TESK2: variants seen among roughly 807,000 people sequenced by gnomAD.
TESK2 encodes the protein dual specificity testis-specific protein kinase 2.
TESK2 carries 39 observed loss-of-function variants against 57.1 expected under a neutral mutation model. The ratio of observed to expected loss-of-function variants is 0.68; its 90% CI spans 0.53 to 0.89. The LOEUF (loss-of-function observed/expected upper bound fraction) is 0.89, where lower values mean the gene tolerates loss of function less well. TESK2 is among the 40% of genes least tolerant of loss of function. The probability of loss-of-function intolerance (pLI) is 0.00; values close to 1 mark genes in which losing one functional copy is unlikely to be tolerated. For missense variants in TESK2, 646 were observed against 732.1 expected (o/e 0.88, Z 1.36); for synonymous variants, 249 against 267.9 (o/e 0.93, Z 0.69).
chr1:45,462,666 A>T (rs1012510758), intron 1 of TESK2, among the ~76,000 whole-genome samples: 1 of 152,114 alleles, frequency 6.6e-6, no homozygotes, highest in East Asian at 1.9e-4. Context: ...TTGCTTCCAA[A>T]TCTTGGCTAT....
chr1:45,345,177 G>A lies in TESK2; in HGVS notation c.1379C>T (p.Ser460Leu), dbSNP rs749656797. Residue 460 changes from serine (S) to leucine (L), a missense_variant, in exon 11 of 11, where the codon TCG becomes TTG. Coordinates refer to ENST00000372086, the MANE Select transcript of TESK2 (RefSeq NM_007170.3). ...AGCCTCTTGATGCAAGAACTCAGGC[G>A]AACCAGGCAAGGAACGCCACCGGCG... is the stretch of plus-strand genomic sequence containing the variant. Reference protein sequence around the residue: ...PIRRWRSLPGSPEFLHQEACP... With the variant: ...PIRRWRSLPGLPEFLHQEACP... The A allele has an allele frequency of 1.1e-5, 17 of 1,614,006 alleles. No individual in the cohort carries two copies. In the East Asian group the frequency reaches 1.3e-4, roughly 13 times the overall value.
chr1:45,463,680 G>A (rs967353524), intron 1 of TESK2, among the ~76,000 whole-genome samples: 8 of 152,064 alleles, frequency 5.3e-5, no homozygotes, highest in Non-Finnish European at 1.2e-4. Flanking sequence ...ATCTCCTAGG[G>A]CTCAGGTGAT....
At chr1:45,345,706 G>A in intron 10 of TESK2, 148 bp from the exon 11 acceptor site, 1 of 933,692 alleles carries the variant, frequency 1.1e-6, no homozygotes, top group South Asian at 1.6e-5. Flanking sequence ...AGGGGAAGCA[G>A]TATGCCAAGC....
At chr1:45,485,518 A>ATT (rs796389880) in intron 1 of TESK2, among the ~76,000 whole-genome samples, 21 of 80,124 alleles carry the variant, frequency 2.6e-4, no homozygotes, top group African/African-American at 1.1e-3. Flanking sequence ...TTTATTTTTT[A>ATT]TTTTATTTTT....
At chr1:45,404,015 T>C (rs750851314) in intron 3 of TESK2, among the ~76,000 whole-genome samples, 1 of 151,894 alleles carries the variant, frequency 6.6e-6, no homozygotes, top group Non-Finnish European at 1.5e-5. Context: ...ATCCACAAAC[T>C]CAAGTATTTA....
At chr1:45,415,097 T>G in intron 3 of TESK2, 1 of 1,430,866 alleles carries the variant, frequency 7.0e-7, no homozygotes. Context: ...TCGAGCTGTT[T>G]GCAGACAAGT....
At chr1:45,476,836 G>A (rs1442053582) in intron 1 of TESK2, among the ~76,000 whole-genome samples, 5 of 151,362 alleles carry the variant, frequency 3.3e-5, no homozygotes, top group African/African-American at 1.2e-4. Flanking sequence ...GATAGAGTGA[G>A]ACTCCATCTC....
chr1:45,380,908 C>T (rs969411458), intron 4 of TESK2, among the ~76,000 whole-genome samples: 1 of 152,162 alleles, frequency 6.6e-6, no homozygotes, highest in African/African-American at 2.4e-5. Context: ...ATGCTACACA[C>T]ATAAGATCTT....
At chr1:45,444,457 T>G (rs1218642779) in intron 2 of TESK2, among the ~76,000 whole-genome samples, 4 of 152,224 alleles carry the variant, frequency 2.6e-5, no homozygotes, top group Non-Finnish European at 4.4e-5. Context: ...TAGGCATTCA[T>G]AGTGGGATAA....
intron 4 of TESK2, among the ~76,000 whole-genome samples, chr1:45,373,831 T>C (rs1648300763): frequency 6.6e-6 from 1 of 152,180 alleles, no homozygotes; most frequent in Non-Finnish European, 1.5e-5. Context: ...AGTAGCAATG[T>C]GTGAGAGGTA....
chr1:45,489,992 T>C (rs986183601), intron 1 of TESK2, among the ~76,000 whole-genome samples: 1 of 152,236 alleles, frequency 6.6e-6, no homozygotes, highest in African/African-American at 2.4e-5. Flanking sequence ...CTTTCTACTA[T>C]TCTTCTCAAC....
At chr1:45,354,818 ATATATAT>A (rs1647352359) in intron 5 of TESK2, among the ~76,000 whole-genome samples, 15 of 18,842 alleles carry the variant, frequency 8.0e-4, no homozygotes, top group African/African-American at 2.4e-3. Flanking sequence ...AAAAAAAAAT[ATATATAT>A]ATATATATAT....
At chr1:45,385,482 G>T in intron 4 of TESK2, 1 of 293,718 alleles carries the variant, frequency 3.4e-6, no homozygotes, top group Non-Finnish European at 5.1e-6. Context: ...AACATTACCA[G>T]GTGGTCTGGT....
chr1:45,398,739 A>G (rs1649461705), intron 3 of TESK2: 1 of 236,998 alleles, frequency 4.2e-6, no homozygotes, highest in African/African-American at 2.2e-5. Context: ...GAAGTAGATT[A>G]CATTTCCCAG....
intron 4 of TESK2, among the ~76,000 whole-genome samples, chr1:45,384,592 A>ATTT (rs1450118997): frequency 4.3e-5 from 3 of 70,560 alleles, no homozygotes; most frequent in African/African-American, 1.2e-4. Context: ...GCTAATTATT[A>ATTT]ATTTTTTTTT....
chr1:45,380,999 C>G (rs2149273006), intron 4 of TESK2, among the ~76,000 whole-genome samples: 1 of 152,312 alleles, frequency 6.6e-6, no homozygotes, highest in South Asian at 2.1e-4. Flanking sequence ...TCAGATGAAC[C>G]TGGATGCAAT....
chr1:45,394,629 C>CAA (rs922441358), intron 3 of TESK2, among the ~76,000 whole-genome samples: 1 of 122,330 alleles, frequency 8.2e-6, no homozygotes, highest in Non-Finnish European at 1.7e-5. Flanking sequence ...AGCCTTTAAA[C>CAA]AAATGACTGT....
intron 2 of TESK2, among the ~76,000 whole-genome samples, chr1:45,457,122 T>C (rs144028571): frequency 2.0e-5 from 3 of 152,236 alleles, no homozygotes; most frequent in Admixed American, 6.5e-5. Context: ...TACCCAGCTA[T>C]CAATTTTACT....
At chr1:45,436,478 C>CTTTTT (rs35561877) in intron 2 of TESK2, among the ~76,000 whole-genome samples, 3 of 33,660 alleles carry the variant, frequency 8.9e-5, no homozygotes, top group African/African-American at 3.8e-4. Context: ...CGTGCCTGGC[C>CTTTTT]TTTTTTTTTT....
Sources: gnomAD v4.1 joint callset for allele counts (sites outside exome capture counted in the v4.1 genomes callset) on GRCh38, gnomAD v4.1.1 for gene constraint, MANE v1.5 for transcripts, NCBI Gene and HGNC (gene_info 2026-07-23, HGNC 2026-07-21) for gene names.